TMEM117: variants seen among roughly 807,000 people sequenced by gnomAD.
The protein encoded by TMEM117 is transmembrane protein 117.
TMEM117 carries 27 observed loss-of-function variants against 52.4 expected under a neutral mutation model. That is an observed-to-expected ratio of 0.51 (90% CI 0.38 to 0.71). The LOEUF is 0.71. Among genes scored for constraint, TMEM117 ranks in the 30% least tolerant of loss-of-function variants. The pLI, the probability that TMEM117 is intolerant of heterozygous loss-of-function variation, is 0.00. For synonymous variants in TMEM117, 215 were observed against 206.3 expected, an observed-to-expected ratio of 1.04 and a Z score of -0.36; for missense variants, 556 against 630.5, an observed-to-expected ratio of 0.88 and a Z score of 1.26.
chr12:44,314,466 C>T (rs757058847), intron 6 of TMEM117, among the ~76,000 whole-genome samples: 17 of 151,270 alleles, frequency 1.1e-4, no homozygotes, highest in Non-Finnish European at 2.1e-4. Context: ...GGTGACTTAA[C>T]TTTTTGATAT....
intron 2 of TMEM117, among the ~76,000 whole-genome samples, chr12:43,879,472 C>T (rs1380230508): frequency 6.6e-6 from 1 of 152,100 alleles, no homozygotes; most frequent in Non-Finnish European, 1.5e-5. Context: ...CAGTGCAGGC[C>T]TCAAAGTAGT....
At chr12:43,954,152 G>T (rs73085708) in intron 3 of TMEM117, among the ~76,000 whole-genome samples, 15,046 of 152,146 alleles carry the variant, frequency 0.099, 887 homozygotes, top group Middle Eastern at 0.22. Flanking sequence ...TGCAGCTAAA[G>T]CAGTATTAAG....
At chr12:44,312,641 T>G (rs955059371) in intron 6 of TMEM117, among the ~76,000 whole-genome samples, 3 of 152,226 alleles carry the variant, frequency 2.0e-5, no homozygotes, top group South Asian at 2.1e-4. Context: ...GTGATATGAT[T>G]GCTGAGTTGA....
At chr12:44,319,993 A>G (rs115164596) in intron 6 of TMEM117, among the ~76,000 whole-genome samples, 3 of 152,224 alleles carry the variant, frequency 2.0e-5, no homozygotes, top group South Asian at 2.1e-4. Flanking sequence ...CAGCCTCCCA[A>G]TAGGCTAGTC....
In TMEM117 at chr12:44,388,754, A is replaced by G; in HGVS notation, c.*82A>G. The G allele has an allele frequency of 1.4e-6, 2 of 1,473,296 alleles. No homozygotes were observed. The highest frequency in any genetic ancestry group is 1.8e-6 in the Non-Finnish European group (2 of 1,084,954). The allele number at this position is 1,473,296 out of a possible 1,614,324, so 91.3% of individuals were successfully genotyped here. ...ATTTAGTCTTTCCTTTTGTATATGT[A>G]AGGTTTACGTAGTGTTAGGTAAAAA... is the stretch of plus-strand genomic sequence containing the variant. On this transcript the variant is annotated 3_prime_UTR_variant, in exon 8 of 8. Transcript: ENST00000266534.
At chr12:43,927,557 AC>A (rs1944799776) in intron 2 of TMEM117, among the ~76,000 whole-genome samples, 1 of 151,412 alleles carries the variant, frequency 6.6e-6, no homozygotes, top group Admixed American at 6.6e-5. Flanking sequence ...ATTTTGTTTT[AC>A]ATACAGTATT....
intron 3 of TMEM117, among the ~76,000 whole-genome samples, chr12:44,020,243 A>G (rs1013839813): frequency 7.9e-5 from 12 of 152,178 alleles, no homozygotes; most frequent in African/African-American, 2.7e-4. Context: ...TCAGTGGATC[A>G]TTATTCCCTC....
chr12:44,224,697 C>T (rs540547992), intron 5 of TMEM117, among the ~76,000 whole-genome samples: 1 of 152,204 alleles, frequency 6.6e-6, no homozygotes, highest in Admixed American at 6.6e-5. Flanking sequence ...GTCCCCCAAT[C>T]GCTTGATCTG....
intron 6 of TMEM117, among the ~76,000 whole-genome samples, chr12:44,334,088 G>A (rs989004153): frequency 3.3e-5 from 5 of 152,002 alleles, no homozygotes; most frequent in African/African-American, 4.8e-5. Flanking sequence ...GACACATAAT[G>A]TGCATTTAGT....
At chr12:44,198,420 G>T (rs529372224) in intron 4 of TMEM117, among the ~76,000 whole-genome samples, 1 of 152,272 alleles carries the variant, frequency 6.6e-6, no homozygotes, top group South Asian at 2.1e-4. Context: ...GAGGATGCTT[G>T]TATTGCCTAT....
chr12:43,800,415 T>A, the TMEM117 span: 1 of 1,575,254 alleles, frequency 6.3e-7, no homozygotes, highest in Non-Finnish European at 8.7e-7. Flanking sequence ...ACATATAGAA[T>A]CCACATACAA....
chr12:44,214,845 G>T (rs1949695560), intron 5 of TMEM117, among the ~76,000 whole-genome samples: 1 of 152,098 alleles, frequency 6.6e-6, no homozygotes. Context: ...GGAAAAAGTT[G>T]AATATAGAAA....
intron 3 of TMEM117, among the ~76,000 whole-genome samples, chr12:43,953,535 A>G (rs913314270): frequency 1.3e-5 from 2 of 152,204 alleles, no homozygotes; most frequent in African/African-American, 4.8e-5. Context: ...AAAGCAACAA[A>G]GGTCAAAAAA....
intron 2 of TMEM117, among the ~76,000 whole-genome samples, chr12:43,932,353 T>C (rs1228111561): frequency 1.2e-4 from 18 of 148,658 alleles, no homozygotes; most frequent in East Asian, 7.9e-4. Flanking sequence ...TTTTTTTTTT[T>C]CAGAACTGGA....
intron 3 of TMEM117, among the ~76,000 whole-genome samples, chr12:44,096,739 T>C (rs1375729175): frequency 6.6e-6 from 1 of 152,150 alleles, no homozygotes; most frequent in African/African-American, 2.4e-5. Context: ...ACTTACATGT[T>C]AGACCTAAAA....
At chr12:43,863,176 G>A (rs1286818272) in intron 2 of TMEM117, among the ~76,000 whole-genome samples, 1 of 152,110 alleles carries the variant, frequency 6.6e-6, no homozygotes, top group East Asian at 1.9e-4. Flanking sequence ...AACCCGGGAA[G>A]CAGAGGTTGC....
At chr12:43,796,970 G>C in the TMEM117 span, 2 of 1,607,172 alleles carry the variant, frequency 1.2e-6, no homozygotes, top group South Asian at 1.1e-5. Flanking sequence ...AAAATAGGTG[G>C]GCTACCTTTC....
intron 3 of TMEM117, among the ~76,000 whole-genome samples, chr12:44,083,228 C>T (rs1004203152): frequency 2.7e-4 from 41 of 151,824 alleles, no homozygotes; most frequent in African/African-American, 9.0e-4. Flanking sequence ...TCCAAATGTT[C>T]AACTTGGATA....
At chr12:44,086,405 T>TG (rs1947567114) in intron 3 of TMEM117, among the ~76,000 whole-genome samples, 1 of 151,818 alleles carries the variant, frequency 6.6e-6, no homozygotes, top group African/African-American at 2.4e-5. Context: ...TTAGTAGAGA[T>TG]GGGGTTTCAC....
Sources: allele counts gnomAD v4.1 joint callset (sites outside exome capture counted in the v4.1 genomes callset), GRCh38; gene constraint gnomAD v4.1.1; transcripts MANE v1.5; gene names NCBI Gene and HGNC (gene_info 2026-07-23, HGNC 2026-07-21).